Variants in FCSK observed in about 807,000 individuals in gnomAD.
The protein encoded by FCSK is fucose kinase.
A neutral mutation model predicts 122.5 loss-of-function variants in FCSK; 123 were observed. The ratio of observed to expected loss-of-function variants is 1.00; its 90% CI spans 0.87 to 1.17. The LOEUF is 1.17. Among genes scored for constraint, FCSK ranks in the 50% most tolerant of loss-of-function variants. The pLI, the probability that FCSK is intolerant of heterozygous loss-of-function variation, is 0.00. For missense variants in FCSK, 1,366 were observed against 1,450.4 expected (o/e 0.94, Z 0.95); for synonymous variants, 620 against 625.5 (o/e 0.99, Z 0.13).
At chr16:70,466,593 A>G in intron 5 of FCSK, 1 of 510,860 alleles carries the variant, frequency 2.0e-6, no homozygotes, top group Non-Finnish European at 3.5e-6. Flanking sequence ...GCTACTCAAG[A>G]GGCTGAGGCA....
intron 8 of FCSK, 22 bp from the exon 9 acceptor site, chr16:70,468,827 A>G: frequency 6.2e-7 from 1 of 1,613,332 alleles, no homozygotes; most frequent in East Asian, 2.2e-5. Flanking sequence ...TCCATCTCTG[A>G]TCCTTTTGGG....
At chr16:70,467,158 C>T in intron 6 of FCSK, 1 of 635,456 alleles carries the variant, frequency 1.6e-6, no homozygotes, top group East Asian at 2.7e-5. Context: ...TGGACAGAAG[C>T]AGCCCTGCCC....
At chr16:70,467,246 T>G in intron 6 of FCSK, 128 bp from the exon 7 acceptor site, 1 of 666,852 alleles carries the variant, frequency 1.5e-6, no homozygotes, top group East Asian at 2.7e-5. Context: ...TCCATTTGGC[T>G]TGGAAACCGT....
intron 12 of FCSK, 42 bp downstream of exon 12, chr16:70,471,114 G>A (rs1205983304): frequency 6.3e-7 from 1 of 1,589,266 alleles, no homozygotes; most frequent in South Asian, 1.1e-5. Flanking sequence ...GAGGGTGCTG[G>A]CATCCCGCAT....
At chr16:70,469,593 GC>G (rs1597621168) in intron 10 of FCSK, among the ~76,000 whole-genome samples, 1 of 151,708 alleles carries the variant, frequency 6.6e-6, no homozygotes, top group African/African-American at 2.4e-5. Flanking sequence ...TCTCTTTGTC[GC>G]CCCGGCTAGA....
rs777307290 is a variant in FCSK at position 70,463,182 on chromosome 16, T to C, written c.-9T>C. The C allele has an allele frequency of 1.2e-6, 2 of 1,613,478 alleles. No homozygotes were observed. Among genetic ancestry groups the C allele is most frequent in the East Asian group, 4.5e-5 (2 of 44,884 alleles). ...TTGCTGTCTCAGGAAGCCCCTCCGC[T>C]TGGCCAGAATGGAGCAGCCGAAGGG... On this transcript the variant is annotated 5_prime_UTR_variant, in exon 2 of 24. Transcript: ENST00000288078.
chr16:70,479,795 A>AAAGG lies in FCSK; in HGVS notation c.*119_*122dup. 1.3e-6 allele frequency: 1 copy of AAAGG among 757,046 alleles called. No individual in the cohort carries two copies. The highest frequency in any genetic ancestry group is 2.7e-5 in the East Asian group (1 of 37,052). The allele number at this position is 757,046 out of a possible 1,614,324, so 46.9% of individuals were successfully genotyped here. On this transcript the variant is annotated 3_prime_UTR_variant, in exon 24 of 24. Coordinates refer to ENST00000288078, the MANE Select transcript of FCSK (RefSeq NM_145059.3). ...CACCCACCTCTGCGAATCTGCTCCC[A>AAAGG]AAGGAAGCTGACCAGAGCAAGATCT...
chr16:70,477,309 G>C (rs2048848768), intron 20 of FCSK: 2 of 151,780 alleles, frequency 1.3e-5, no homozygotes, highest in African/African-American at 4.8e-5. Context: ...CAGCCTCCCA[G>C]GTAGCTGGGA....
At chr16:70,464,083 G>A (rs551890230) in intron 3 of FCSK, among the ~76,000 whole-genome samples, 2 of 152,152 alleles carry the variant, frequency 1.3e-5, no homozygotes, top group Non-Finnish European at 2.9e-5. Context: ...CGAACTGTTC[G>A]CTGGACCTGA....
chr16:70,472,554 G>A lies in FCSK; in HGVS notation c.1355G>A (p.Gly452Asp). 1 of 1,612,932 alleles carries A rather than the reference G, an allele frequency of 6.2e-7. No individual in the cohort carries two copies. Among genetic ancestry groups the A allele is most frequent in the Non-Finnish European group, 8.5e-7 (1 of 1,179,432 alleles). The change falls in exon 14 of 24, where the codon GGC becomes GAC. Residue 452 changes from glycine (G) to aspartate (D), a missense_variant. Gly to Asp is a moderately conservative substitution (Grantham distance 94, BLOSUM62 -1). Transcript: ENST00000288078. ...RLDSWERQGAGTYLNVPWSEF... is the reference protein window; with the variant it reads ...RLDSWERQGADTYLNVPWSEF... Reference sequence around the variant, plus strand: ...CCTCTCCCCCAGAGACAGGGGGCAGGCACATATCTCAACGTGCCCTGGAGT... The same window carrying A: ...CCTCTCCCCCAGAGACAGGGGGCAGACACATATCTCAACGTGCCCTGGAGT...
intron 1 of FCSK, among the ~76,000 whole-genome samples, chr16:70,456,706 T>G (rs2048102105): frequency 6.6e-6 from 1 of 152,156 alleles, no homozygotes; most frequent in Non-Finnish European, 1.5e-5. Context: ...AAATTTCAGA[T>G]TAGGAAACTG....
At chr16:70,462,049 T>C (rs2048282789) in intron 1 of FCSK, 1 of 152,264 alleles carries the variant, frequency 6.6e-6, no homozygotes, top group African/African-American at 2.4e-5. Flanking sequence ...AAAAAAGGCT[T>C]GGGCCACAGA....
Position 70,474,539 on chromosome 16 carries a change from T to G in FCSK, c.2000T>G (p.Leu667Arg), listed in dbSNP as rs1328117820. Residue 667 changes from leucine to arginine, a missense_variant, in exon 17 of 24, where the codon CTG (leucine) becomes CGG (arginine). Physicochemically the swap from Leu to Arg is moderately radical, Grantham distance 102. Transcript: ENST00000288078. ...RDKWLSRPAL[L>R]VRAARHYEGA... ...CCTTCTCTTGGCAGGCCAGCCTTGC[T>G]GGTGCGAGCGGCCCGCCACTATGAG... The G allele has an allele frequency of 6.5e-7, 1 of 1,548,082 alleles. No individual in the cohort carries two copies. Among genetic ancestry groups the G allele is most frequent in the African/African-American group, 1.4e-5 (1 of 73,244 alleles).
rs1032810742 is a variant in FCSK, at chr16:70,474,977, T to C, written c.2343T>C (p.Ala781=). 3.1e-6 allele frequency: 5 copies of C among 1,609,144 alleles called. No homozygotes were observed. Among genetic ancestry groups the C allele is most frequent in the Non-Finnish European group, 4.2e-6 (5 of 1,178,472 alleles). The change falls in exon 18 of 24, where the codon GCT becomes GCC. Residue 781 remains alanine, a synonymous_variant. Transcript: ENST00000288078. ...TGAAGATAGTGTGCCGGTGCCTGGC[T>C]GACCTGCGGGACTACTGCCAGCCTC... is the stretch of plus-strand genomic sequence containing the variant. ...MTVKIVCRCL[A]DLRDYCQPHA... is the part of the protein sequence containing the mutation.
intron 6 of FCSK, 128 bp from the exon 7 acceptor site, chr16:70,467,246 T>C (rs1470121583): frequency 4.5e-6 from 3 of 666,734 alleles, no homozygotes; most frequent in African/African-American, 1.8e-5. Context: ...TCCATTTGGC[T>C]TGGAAACCGT....
In FCSK at chr16:70,473,360, G is replaced by A; in HGVS notation, c.1777+7G>A. 2 of 1,488,860 alleles carry A rather than the reference G, an allele frequency of 1.3e-6. No homozygotes were observed. The highest frequency in any genetic ancestry group is 1.8e-6 in the Non-Finnish European group (2 of 1,114,372). The allele number at this position is 1,488,860 out of a possible 1,614,324, so 92.2% of individuals were successfully genotyped here. On this transcript the variant is annotated splice_region_variant and intron_variant, in intron 15 of 23. Transcript: ENST00000288078. This position sits in a 1 kb window ranked among gnomAD's most constrained non-coding sequence, Gnocchi z 4.9. ...CTGGCCACGCTGGACCAGGGTGAGT[G>A]TGCAGGCTGGTAGTGCTGCAGAATC...
At position 70,467,443 on chromosome 16, in the gene FCSK, ATCATGGCG is replaced by A; in HGVS notation, c.557_564del (p.His186LeufsTer4). On this transcript the variant is annotated frameshift_variant, in exon 7 of 24. Transcript: ENST00000288078. LOFTEE classifies it high-confidence loss of function. ...CCAGGGAGCCCGGCCTACGCTCAGAATCATGGCGTCTACCTAACTGACCCCCAGGTAGT... is the reference window on the plus strand; with the variant it reads ...CCAGGGAGCCCGGCCTACGCTCAGAATCTACCTAACTGACCCCCAGGTAGT... 6.2e-7 allele frequency: 1 copy of A among 1,608,558 alleles called. No individual in the cohort carries two copies. The highest frequency in any genetic ancestry group is 1.1e-5 in the South Asian group (1 of 89,934).
chr16:70,479,233 C>T lies in FCSK; in HGVS notation c.2983C>T (p.Leu995Phe). ...GACCTCGTACTGGGAGCAGAAGAAG[C>T]TCATGGCTCCAGGCTGTGAGCCCCT... ...CLTSYWEQKKLMAPGCEPLTV... is the reference protein window; with the variant it reads ...CLTSYWEQKKFMAPGCEPLTV... Residue 995 changes from leucine to phenylalanine, a missense_variant, in exon 23 of 24, where the codon CTC becomes TTC. Coordinates refer to ENST00000288078, the MANE Select transcript of FCSK (RefSeq NM_145059.3). The T allele has an allele frequency of 6.2e-7, 1 of 1,613,910 alleles. No homozygotes were observed. Among genetic ancestry groups the T allele is most frequent in the Non-Finnish European group, 8.5e-7 (1 of 1,180,034 alleles).
rs1193001466 is a variant in FCSK, at chr16:70,467,362, C to G, written c.485-12C>G. 1.3e-6 allele frequency: 2 copies of G among 1,595,708 alleles called. No individual in the cohort carries two copies. The highest frequency in any genetic ancestry group is 1.7e-6 in the Non-Finnish European group (2 of 1,170,286). ...AGGCCCCTGGGAGCCTCCTGACTGC[C>G]CCACCCCACAGGTATCAGCTGGGAC... On this transcript the variant is annotated splice_polypyrimidine_tract_variant and intron_variant, in intron 6 of 23. Transcript: ENST00000288078.
Sources: gnomAD v4.1 joint callset for allele counts (sites outside exome capture counted in the v4.1 genomes callset) on GRCh38, gnomAD v4.1.1 for gene constraint, Gnocchi (gnomAD v3.1) non-coding constraint, MANE v1.5 for transcripts, NCBI Gene and HGNC (gene_info 2026-07-23, HGNC 2026-07-21) for gene names.